Variants in CDKL2 observed in about 807,000 individuals in gnomAD.
The protein encoded by CDKL2 is cyclin dependent kinase like 2.
A neutral mutation model predicts 63.9 loss-of-function variants in CDKL2; 64 were observed. That is an observed-to-expected ratio of 1.00 (90% CI 0.82 to 1.23). The LOEUF (loss-of-function observed/expected upper bound fraction) is 1.23. Among genes scored for constraint, CDKL2 ranks in the 50% most tolerant of loss-of-function variants. The pLI, the probability that CDKL2 is intolerant of heterozygous loss-of-function variation, is 0.00. For missense variants in CDKL2, 656 were observed against 668.0 expected (o/e 0.98, Z 0.20); for synonymous variants, 211 against 229.2 (o/e 0.92, Z 0.72).
chr4:75,601,801 A>T (rs916756782), intron 6 of CDKL2, among the ~76,000 whole-genome samples: 1 of 152,204 alleles, frequency 6.6e-6, no homozygotes, highest in Admixed American at 6.5e-5. Flanking sequence ...TATGTAAAAA[A>T]CTGGAAATGT....
chr4:75,583,204 C>T (rs948870904), intron 12 of CDKL2, among the ~76,000 whole-genome samples: 8 of 152,186 alleles, frequency 5.3e-5, no homozygotes, highest in East Asian at 1.9e-4. Context: ...AAACATATAA[C>T]GTATTGGGGT....
chr4:75,603,228 C>G (rs1390147396), intron 6 of CDKL2, among the ~76,000 whole-genome samples: 1 of 145,996 alleles, frequency 6.8e-6, no homozygotes, highest in Non-Finnish European at 1.5e-5. Flanking sequence ...TCTCGATCTC[C>G]TGACCTCATG....
chr4:75,617,635 A>G (rs1254040821), intron 2 of CDKL2, among the ~76,000 whole-genome samples: 1 of 152,220 alleles, frequency 6.6e-6, no homozygotes, highest in Non-Finnish European at 1.5e-5. Flanking sequence ...CTAGAATGTC[A>G]CTTGTTCCAT....
At chr4:75,600,502 G>A in intron 6 of CDKL2, 133 bp from the exon 7 acceptor site, 3 of 637,406 alleles carry the variant, frequency 4.7e-6, no homozygotes, top group Non-Finnish European at 8.3e-6. Flanking sequence ...CTGTTGCCCA[G>A]GCTAGAGTGC....
rs780495072 is a variant in CDKL2, at chr4:75,605,551, T to C, written c.626A>G (p.Asp209Gly). 7 of 1,608,666 alleles carry C rather than the reference T, an allele frequency of 4.4e-6. 1 individual carries two copies. The South Asian group carries it at 4.4e-5, about 10-fold the overall frequency. ...EPLFPGDSDI[D>G]QLYHIMMCLG... is the part of the protein sequence containing the mutation. ...ACACATCATAATATGATATAGCTGA[T>C]CAATATCAGAATCTCCAGGAAATAG... Residue 209 changes from aspartate to glycine, a missense_variant, in exon 5 of 14, where the codon GAT becomes GGT. By Grantham distance (94) the Asp-to-Gly change is moderately conservative. Transcript: ENST00000307465.
intron 12 of CDKL2, among the ~76,000 whole-genome samples, chr4:75,584,654 A>G (rs1273989300): frequency 1.3e-5 from 2 of 152,144 alleles, no homozygotes; most frequent in Non-Finnish European, 2.9e-5. Context: ...CCAAGCCCTA[A>G]ATATACAGTA....
chr4:75,605,558 C>A lies in CDKL2; in HGVS notation c.619G>T (p.Asp207Tyr). The part of the protein sequence containing the change: ...MGEPLFPGDS[D>Y]IDQLYHIMMC... ...ATAATATGATATAGCTGATCAATATCAGAATCTCCAGGAAATAGGGGTTCC... is the reference window on the plus strand; with the variant it reads ...ATAATATGATATAGCTGATCAATATAAGAATCTCCAGGAAATAGGGGTTCC... Residue 207 changes from aspartate to tyrosine, a missense_variant, in exon 5 of 14, where the codon GAT becomes TAT. Coordinates refer to ENST00000307465, the MANE Select transcript of CDKL2 (RefSeq NM_001330724.2). The A allele has an allele frequency of 6.2e-7, 1 of 1,612,272 alleles. No individual in the cohort carries two copies. The highest frequency in any genetic ancestry group is 8.5e-7 in the Non-Finnish European group (1 of 1,178,382).
chr4:75,620,938 ATT>A (rs35252668), intron 2 of CDKL2, among the ~76,000 whole-genome samples: 4,325 of 142,722 alleles, frequency 0.03, 162 homozygotes, highest in African/African-American at 0.094. Context: ...ATAGCTGAGC[ATT>A]TTTTTTTTTT....
At chr4:75,610,851 ATC>A (rs1385708523) in intron 3 of CDKL2, among the ~76,000 whole-genome samples, 1 of 152,160 alleles carries the variant, frequency 6.6e-6, no homozygotes, top group Non-Finnish European at 1.5e-5. Flanking sequence ...GTATGTATAT[ATC>A]TGTGTGTTTT....
intron 6 of CDKL2, among the ~76,000 whole-genome samples, chr4:75,603,565 C>A (rs979108393): frequency 7.3e-5 from 11 of 150,764 alleles, no homozygotes; most frequent in African/African-American, 2.7e-4. Context: ...CCCGTTTCTA[C>A]TAAAAATACA....
At position 75,581,802 on chromosome 4, in the gene CDKL2, A is replaced by T. The variant is rs1428196925; in HGVS notation, c.*23+8T>A. On this transcript the variant is annotated splice_region_variant and intron_variant, in intron 13 of 13. Transcript: ENST00000307465. ...TGCACAGCTTTAAGTATGGGAAATC[A>T]CACCTACCCAGTTCAGAACCAAAAT... 1 of 1,515,936 alleles carries T rather than the reference A, an allele frequency of 6.6e-7. No individual in the cohort carries two copies. The highest frequency in any genetic ancestry group is 2.3e-5 in the East Asian group (1 of 44,398). The allele number at this position is 1,515,936 out of a possible 1,614,324, so 93.9% of individuals were successfully genotyped here.
At chr4:75,612,404 TAAAA>T (rs1729742429) in intron 3 of CDKL2, among the ~76,000 whole-genome samples, 2 of 152,172 alleles carry the variant, frequency 1.3e-5, no homozygotes, top group Non-Finnish European at 2.9e-5. Context: ...CATGAAAGTA[TAAAA>T]ATAAAGGGAC....
intron 9 of CDKL2, among the ~76,000 whole-genome samples, 189 bp downstream of exon 9, chr4:75,596,745 GT>G (rs1162328335): frequency 6.6e-6 from 1 of 152,168 alleles, no homozygotes; most frequent in African/African-American, 2.4e-5. Flanking sequence ...CAGGACTTTG[GT>G]GAATTGTTTT....
intron 5 of CDKL2, among the ~76,000 whole-genome samples, chr4:75,604,753 A>T (rs1049436457): frequency 2.0e-5 from 3 of 152,244 alleles, no homozygotes; most frequent in Non-Finnish European, 4.4e-5. Flanking sequence ...CTCTACATGT[A>T]ATTAACGGTA....
chr4:75,579,781 G>A (rs938242285), intron 13 of CDKL2, among the ~76,000 whole-genome samples: 7 of 152,128 alleles, frequency 4.6e-5, no homozygotes, highest in African/African-American at 1.4e-4. Context: ...TAGTTTACAC[G>A]GTTTGTATGA....
intron 5 of CDKL2, among the ~76,000 whole-genome samples, chr4:75,605,199 C>T (rs185708888): frequency 4.6e-5 from 7 of 151,896 alleles, no homozygotes; most frequent in African/African-American, 1.7e-4. Flanking sequence ...ACTAAAAATA[C>T]GAAATTAGCT....
At chr4:75,618,776 AG>A (rs1730039422) in intron 2 of CDKL2, among the ~76,000 whole-genome samples, 1 of 152,176 alleles carries the variant, frequency 6.6e-6, no homozygotes, top group Admixed American at 6.5e-5. Context: ...AAAGTCCAAA[AG>A]CCTTCTAAAG....
chr4:75,613,780 G>T (rs533952088), intron 3 of CDKL2, among the ~76,000 whole-genome samples: 46 of 152,314 alleles, frequency 3.0e-4, no homozygotes, highest in African/African-American at 1.1e-3. Flanking sequence ...ATAGAGCCAG[G>T]CACGGTGGCT....
intron 2 of CDKL2, among the ~76,000 whole-genome samples, chr4:75,621,772 TATC>T (rs1730168553): frequency 6.6e-6 from 1 of 152,202 alleles, no homozygotes; most frequent in African/African-American, 2.4e-5. Context: ...TAGAATTTCT[TATC>T]ATCAGATTTG....
Sources: gnomAD v4.1 joint callset for allele counts (sites outside exome capture counted in the v4.1 genomes callset) on GRCh38, gnomAD v4.1.1 for gene constraint, MANE v1.5 for transcripts, NCBI Gene and HGNC (gene_info 2026-07-23, HGNC 2026-07-21) for gene names.